PARD3B: variants seen among roughly 807,000 people sequenced by gnomAD.
PARD3B encodes par-3 family cell polarity regulator beta.
Under a neutral mutation model 130.2 loss-of-function variants are expected in PARD3B, and 103 were observed. That is an observed-to-expected ratio of 0.79 (90% CI 0.67 to 0.93). The LOEUF is 0.93. Ranked by LOEUF, PARD3B falls within the 40% of genes least tolerant of loss-of-function variation. PARD3B has a pLI of 0.00. For synonymous variants in PARD3B, 583 were observed against 553.2 expected (o/e 1.05, Z -0.76); for missense variants, 1,609 against 1,499.2 (o/e 1.07, Z -1.21).
intron 21 of PARD3B, among the ~76,000 whole-genome samples, chr2:205,531,946 T>G (rs1319896122): frequency 1.3e-5 from 2 of 149,376 alleles, no homozygotes; most frequent in African/African-American, 4.9e-5. Context: ...CTTCTTTCTG[T>G]TTTTTTTTTC....
chr2:204,643,730 T>C (rs1264419925), intron 1 of PARD3B, among the ~76,000 whole-genome samples: 1 of 152,094 alleles, frequency 6.6e-6, no homozygotes, highest in Non-Finnish European at 1.5e-5. Context: ...AGCCAAAAGA[T>C]TGGACACCCC....
intron 21 of PARD3B, among the ~76,000 whole-genome samples, chr2:205,533,230 A>G (rs2051682478): frequency 6.6e-6 from 1 of 152,176 alleles, no homozygotes; most frequent in Non-Finnish European, 1.5e-5. Context: ...TCTTCTCCCA[A>G]AGGAAGGCAG....
chr2:205,491,526 TG>T (rs1180754526), intron 20 of PARD3B, among the ~76,000 whole-genome samples: 5 of 152,198 alleles, frequency 3.3e-5, no homozygotes, highest in Admixed American at 2.0e-4. Context: ...TAGCATAGTT[TG>T]AAGTCAGGTA....
chr2:205,267,524 T>C (rs1540364), intron 16 of PARD3B, among the ~76,000 whole-genome samples: 131,384 of 152,122 alleles, frequency 0.86, 56,843 homozygotes, highest in South Asian at 0.91. Flanking sequence ...TCAGAAGGAT[T>C]GGTTGGATTT....
rs1331768639 is a variant in PARD3B at position 205,618,171 on chromosome 2, T to C, written c.*2358T>C. The C allele has an allele frequency of 6.6e-6, 1 of 152,232 alleles. No homozygotes were observed. Among genetic ancestry groups the C allele is most frequent in the Non-Finnish European group, 1.5e-5 (1 of 68,046 alleles). The allele number at this position is 152,232 out of a possible 1,614,324, so 9.4% of individuals were successfully genotyped here. ...ATGGCAGCCAGTGATGTGAAGGTACTATTAAAGTGAACAAAAACTAGATTG... is the reference window on the plus strand; with the variant it reads ...ATGGCAGCCAGTGATGTGAAGGTACCATTAAAGTGAACAAAAACTAGATTG... On this transcript the variant is annotated 3_prime_UTR_variant, in exon 23 of 23. Coordinates refer to ENST00000406610, the MANE Select transcript of PARD3B (RefSeq NM_001302769.2).
intron 15 of PARD3B, among the ~76,000 whole-genome samples, chr2:205,206,199 T>C (rs2037289322): frequency 6.7e-6 from 1 of 148,698 alleles, no homozygotes; most frequent in Non-Finnish European, 1.5e-5. Flanking sequence ...TGAAATTCTG[T>C]GTTCCTTTTT....
intron 19 of PARD3B, among the ~76,000 whole-genome samples, chr2:205,424,931 A>C (rs2047092217): frequency 6.6e-6 from 1 of 152,210 alleles, no homozygotes; most frequent in Non-Finnish European, 1.5e-5. Context: ...AACTGGGAGA[A>C]TATAAATAAA....
intron 19 of PARD3B, among the ~76,000 whole-genome samples, chr2:205,417,654 T>C (rs1460992598): frequency 6.6e-6 from 1 of 152,230 alleles, no homozygotes; most frequent in African/African-American, 2.4e-5. Context: ...GTCTCTCCCA[T>C]AGTTTATTGG....
intron 21 of PARD3B, among the ~76,000 whole-genome samples, chr2:205,523,459 G>C (rs569726568): frequency 6.6e-6 from 1 of 151,728 alleles, no homozygotes; most frequent in East Asian, 1.9e-4. Flanking sequence ...GGCCAGGCTG[G>C]TCGTACCATA....
intron 5 of PARD3B, among the ~76,000 whole-genome samples, chr2:205,113,089 C>G (rs1703754825): frequency 5.3e-5 from 8 of 152,132 alleles, no homozygotes. Flanking sequence ...CTACTTTATG[C>G]TGAAGCATCG....
At chr2:205,489,510 C>T (rs1411611851) in intron 20 of PARD3B, among the ~76,000 whole-genome samples, 4 of 130,232 alleles carry the variant, frequency 3.1e-5, no homozygotes, top group African/African-American at 5.8e-5. Context: ...TATATATATA[C>T]GTATATATAT....
chr2:204,801,858 T>G (rs1340306128), intron 2 of PARD3B, among the ~76,000 whole-genome samples: 1 of 152,226 alleles, frequency 6.6e-6, no homozygotes, highest in African/African-American at 2.4e-5. Flanking sequence ...TAAATAGCTC[T>G]TATTATTTTG....
At position 205,366,279 on chromosome 2, in the gene PARD3B, A is replaced by T. The variant is rs2044606403; in HGVS notation, c.2631-34734A>T. On this transcript the variant is annotated intron_variant, in intron 18 of 22. Transcript: ENST00000406610. This position sits in a 1 kb window ranked among gnomAD's most constrained non-coding sequence, Gnocchi z 5.0. ...ATAGCGCTTTGTTTGAAGGAGTTAG[A>T]ATTTTAAATTTTTCCTGAATAACCT... Among the ~76,000 whole-genome samples, 1 of 152,210 alleles carries T rather than the reference A, an allele frequency of 6.6e-6. No homozygotes were observed. The highest frequency in any genetic ancestry group is 2.4e-5 in the African/African-American group (1 of 41,458).
At chr2:205,126,783 A>AAAAAAAAAAAAAAAAC (rs2031476844) in intron 10 of PARD3B, among the ~76,000 whole-genome samples, 1 of 139,720 alleles carries the variant, frequency 7.2e-6, no homozygotes, top group African/African-American at 2.5e-5. Flanking sequence ...AAAAAAAAAA[A>AAAAAAAAAAAAAAAAC]AAAATTGATA....
At chr2:205,583,400 T>TGTGTGTGTGCGC (rs1192785640) in intron 22 of PARD3B, among the ~76,000 whole-genome samples, 13 of 133,994 alleles carry the variant, frequency 9.7e-5, no homozygotes, top group South Asian at 6.8e-4. Context: ...TGTGTGTGTG[T>TGTGTGTGTGCGC]GCGCGCGCAC....
intron 18 of PARD3B, among the ~76,000 whole-genome samples, chr2:205,354,137 C>T (rs1362354059): frequency 3.4e-5 from 5 of 147,064 alleles, no homozygotes; most frequent in Non-Finnish European, 7.4e-5. Context: ...CTCCTGGGCT[C>T]AAGTGATTCT....
At chr2:205,472,300 C>T (rs530883102) in intron 20 of PARD3B, among the ~76,000 whole-genome samples, 102 of 152,270 alleles carry the variant, frequency 6.7e-4, no homozygotes, top group African/African-American at 2.4e-3. Context: ...TGTGCACACA[C>T]ACACACTTTC....
chr2:204,618,059 C>T (rs2034174258), intron 1 of PARD3B, among the ~76,000 whole-genome samples: 1 of 152,124 alleles, frequency 6.6e-6, no homozygotes, highest in African/African-American at 2.4e-5. Flanking sequence ...CATTTTTAAC[C>T]ATGTAATTGT....
intron 21 of PARD3B, among the ~76,000 whole-genome samples, chr2:205,537,074 T>C (rs1462505187): frequency 7.2e-5 from 11 of 152,212 alleles, no homozygotes; most frequent in Non-Finnish European, 1.5e-5. Flanking sequence ...GTAGAGTTCC[T>C]TATATATTCT....
Sources: allele counts gnomAD v4.1 joint callset (sites outside exome capture counted in the v4.1 genomes callset), GRCh38; gene constraint gnomAD v4.1.1; non-coding constraint Gnocchi (gnomAD v3.1); transcripts MANE v1.5; gene names NCBI Gene and HGNC (gene_info 2026-07-23, HGNC 2026-07-21).